ZDHHC5: variants seen among roughly 807,000 people sequenced by gnomAD.
The protein encoded by ZDHHC5 is zDHHC palmitoyltransferase 5, also known as palmitoyltransferase ZDHHC5.
A neutral mutation model predicts 70.0 loss-of-function variants in ZDHHC5; 22 were observed. The observed-to-expected ratio is 0.31, with a 90% confidence interval of 0.22 to 0.45. The LOEUF is 0.45. Among genes scored for constraint, ZDHHC5 ranks in the 20% least tolerant of loss-of-function variants. ZDHHC5 has a pLI of 1.00. For synonymous variants in ZDHHC5, 313 were observed against 347.8 expected, an observed-to-expected ratio of 0.90 and a Z score of 1.11; for missense variants, 746 against 926.9, an observed-to-expected ratio of 0.80 and a Z score of 2.53.
chr11:57,668,120 G>T lies in ZDHHC5; in HGVS notation c.-1138G>T, dbSNP rs1274847887. On this transcript the variant is annotated 5_prime_UTR_variant, in exon 1 of 12. The change creates a new upstream start codon in the 5' untranslated region. Coordinates refer to ENST00000287169, the MANE Select transcript of ZDHHC5 (RefSeq NM_015457.3). The stretch of plus-strand genomic sequence containing the variant: ...CGGGGGCCGCGCGCTGCTTCTCTGA[G>T]GCAGGACGGCACTGCCGGGAGGCGG... 2.7e-6 allele frequency: 1 copy of T among 373,688 alleles called. No homozygotes were observed. Among genetic ancestry groups the T allele is most frequent in the Non-Finnish European group, 4.8e-6 (1 of 209,974 alleles). The allele number at this position is 373,688 out of a possible 1,614,324, so 23.1% of individuals were successfully genotyped here.
At chr11:57,690,597 C>T (rs2135397147) in intron 6 of ZDHHC5, among the ~76,000 whole-genome samples, 160 bp downstream of exon 6, 1 of 152,262 alleles carries the variant, frequency 6.6e-6, no homozygotes, top group East Asian at 1.9e-4. Context: ...CCTAGTTCCT[C>T]ATGTAAGTGT....
intron 6 of ZDHHC5, among the ~76,000 whole-genome samples, 195 bp downstream of exon 6, chr11:57,690,632 A>C (rs1946271961): frequency 6.6e-6 from 1 of 152,186 alleles, no homozygotes; most frequent in African/African-American, 2.4e-5. Context: ...AATAGAGGCC[A>C]TTTCTCACAT....
intron 8 of ZDHHC5, among the ~76,000 whole-genome samples, chr11:57,695,431 C>T (rs1193361583): frequency 6.6e-6 from 1 of 151,236 alleles, no homozygotes; most frequent in African/African-American, 2.4e-5. Context: ...AAAAAAAAAA[C>T]CCAACTTTTC....
chr11:57,682,442 A>T lies in ZDHHC5; in HGVS notation c.125A>T (p.Tyr42Phe). Residue 42 changes from tyrosine (Y) to phenylalanine (F), a missense_variant, in exon 3 of 12, where the codon TAT (tyrosine) becomes TTT (phenylalanine). Transcript: ENST00000287169. ...FAFTCPGLSL[Y>F]VSPAVPIYNA... ...TGCAGGTGTCCAGGACTAAGCCTGT[A>T]TGTGTCACCTGCAGTGCCCATCTAC... The T allele has an allele frequency of 6.2e-7, 1 of 1,614,064 alleles. No homozygotes were observed. The highest frequency in any genetic ancestry group is 8.5e-7 in the Non-Finnish European group (1 of 1,179,968).
In ZDHHC5 at chr11:57,690,210, T is replaced by A. The variant is rs768190115; in HGVS notation, c.557+7T>A. 6.2e-7 allele frequency: 1 copy of A among 1,613,758 alleles called. No individual in the cohort carries two copies. The highest frequency in any genetic ancestry group is 1.3e-5 in the African/African-American group (1 of 74,868). On this transcript the variant is annotated splice_region_variant and intron_variant, in intron 5 of 11. Coordinates refer to ENST00000287169, the MANE Select transcript of ZDHHC5 (RefSeq NM_015457.3). Reference sequence around the variant, plus strand: ...GGGTCCGCACGGCTGTCACGTATCCTTCAAGGCCTTTTAGATTGTGGGATT... The same window carrying A: ...GGGTCCGCACGGCTGTCACGTATCCATCAAGGCCTTTTAGATTGTGGGATT...
intron 2 of ZDHHC5, among the ~76,000 whole-genome samples, chr11:57,677,201 G>A (rs1323440791): frequency 8.0e-5 from 12 of 149,276 alleles, no homozygotes; most frequent in Admixed American, 4.7e-4. Context: ...GATTACAGGC[G>A]TGAGCCACCA....
chr11:57,675,238 T>A (rs763455272), intron 2 of ZDHHC5, among the ~76,000 whole-genome samples: 17 of 152,350 alleles, frequency 1.1e-4, no homozygotes, highest in Non-Finnish European at 2.1e-4. Flanking sequence ...AGGCAAAGCC[T>A]TTGGAGAAGG....
chr11:57,698,281 A>G (rs922800187), intron 10 of ZDHHC5, among the ~76,000 whole-genome samples: 1 of 152,210 alleles, frequency 6.6e-6, no homozygotes, highest in Non-Finnish European at 1.5e-5. Context: ...CAGACTGGGC[A>G]ATATAGCATA....
At chr11:57,698,490 C>T (rs1018493134) in intron 10 of ZDHHC5, 69 bp from the exon 11 acceptor site, 105 of 1,520,508 alleles carry the variant, frequency 6.9e-5, no homozygotes, top group Non-Finnish European at 8.4e-5. Flanking sequence ...TTGACCAACT[C>T]CTTGAGCTCT....
chr11:57,687,752 G>A (rs915110573), intron 3 of ZDHHC5, among the ~76,000 whole-genome samples: 2 of 136,996 alleles, frequency 1.5e-5, no homozygotes, highest in African/African-American at 2.7e-5. Flanking sequence ...GACATTTTGG[G>A]AAAGTTTTTT....
rs777308090 is a variant in ZDHHC5 at position 57,688,668 on chromosome 11, A to G, written c.384+3A>G. On this transcript the variant is annotated splice_donor_region_variant and intron_variant, in intron 4 of 11. Transcript: ENST00000287169. ...GTGTCTGTGACAACTGTGTGGAGGT[A>G]AGCACCCTGGGTGGGGTAAGACTTC... is the stretch of plus-strand genomic sequence containing the variant. The G allele has an allele frequency of 1.3e-6, 2 of 1,592,196 alleles. No homozygotes were observed. The highest frequency in any genetic ancestry group is 1.7e-6 in the Non-Finnish European group (2 of 1,168,310).
intron 8 of ZDHHC5, among the ~76,000 whole-genome samples, chr11:57,694,857 TC>T (rs1333555048): frequency 6.6e-6 from 1 of 152,184 alleles, no homozygotes; most frequent in African/African-American, 2.4e-5. Context: ...ATGCCTATAA[TC>T]CCAGCACTTA....
chr11:57,688,091 GA>G (rs1357121244), intron 3 of ZDHHC5, among the ~76,000 whole-genome samples: 1 of 151,858 alleles, frequency 6.6e-6, no homozygotes, highest in African/African-American at 2.4e-5. Context: ...TTCGTGCCTG[GA>G]AAAAAAGGTT....
intron 3 of ZDHHC5, among the ~76,000 whole-genome samples, chr11:57,683,535 G>A (rs1287179708): frequency 1.3e-5 from 2 of 152,164 alleles, no homozygotes; most frequent in Non-Finnish European, 2.9e-5. Flanking sequence ...CTGAATATGA[G>A]ATACAAGAAT....
In ZDHHC5 at chr11:57,692,714, C is replaced by T. The variant is rs1946301641; in HGVS notation, c.752+12C>T. On this transcript the variant is annotated intron_variant, in intron 7 of 11. Transcript: ENST00000287169. ...TCTCCAGCACCCAGGTACACCTATC[C>T]CTCTGGTCTAGTGTTTACCATTGGT... is the stretch of plus-strand genomic sequence containing the variant. 3.7e-6 allele frequency: 6 copies of T among 1,613,708 alleles called. No homozygotes were observed. The highest frequency in any genetic ancestry group is 5.1e-6 in the Non-Finnish European group (6 of 1,179,770).
intron 1 of ZDHHC5, among the ~76,000 whole-genome samples, chr11:57,669,382 C>G (rs1368913765): frequency 1.3e-5 from 2 of 152,196 alleles, no homozygotes; most frequent in East Asian, 1.9e-4. Context: ...AACCACATAT[C>G]CTGTATTGTT....
chr11:57,674,401 T>A (rs374633714), intron 2 of ZDHHC5, among the ~76,000 whole-genome samples: 2 of 152,102 alleles, frequency 1.3e-5, no homozygotes, highest in East Asian at 3.9e-4. Context: ...GTACCAGGCT[T>A]CTGAGCCTTA....
At chr11:57,690,615 A>G (rs1186973153) in intron 6 of ZDHHC5, among the ~76,000 whole-genome samples, 178 bp downstream of exon 6, 2 of 152,206 alleles carry the variant, frequency 1.3e-5, no homozygotes, top group Non-Finnish European at 2.9e-5. Context: ...TGTAGAGGCC[A>G]TGTAAGAATA....
intron 2 of ZDHHC5, among the ~76,000 whole-genome samples, chr11:57,677,587 A>G (rs1294549392): frequency 6.6e-6 from 1 of 152,028 alleles, no homozygotes; most frequent in Non-Finnish European, 1.5e-5. Context: ...GCACCTGGCC[A>G]CTTCACGTGA....
Sources: gnomAD v4.1 joint callset for allele counts (sites outside exome capture counted in the v4.1 genomes callset) on GRCh38, gnomAD v4.1.1 for gene constraint, MANE v1.5 for transcripts, NCBI Gene and HGNC (gene_info 2026-07-23, HGNC 2026-07-21) for gene names.